The following NXPH1 variants were observed in gnomAD, a reference collection of about 807,000 sequenced individuals.
NXPH1 encodes the protein neurexophilin-1.
Under a neutral mutation model 23.7 loss-of-function variants are expected in NXPH1, and 5 were observed. The ratio of observed to expected loss-of-function variants is 0.21; its 90% CI spans 0.11 to 0.44. The LOEUF (loss-of-function observed/expected upper bound fraction) is 0.44, where lower values mean the gene tolerates loss of function less well. NXPH1 is among the 20% of genes least tolerant of loss of function. NXPH1 has a pLI of 0.99. For synonymous variants in NXPH1, 144 were observed against 122.2 expected, an observed-to-expected ratio of 1.18 and a Z score of -1.18; for missense variants, 324 against 321.6, an observed-to-expected ratio of 1.01 and a Z score of -0.06.
chr7:8,680,679 G>C (rs1281187015), intron 2 of NXPH1, among the ~76,000 whole-genome samples: 1 of 152,148 alleles, frequency 6.6e-6, no homozygotes, highest in Non-Finnish European at 1.5e-5. Context: ...GAAAATTGTA[G>C]AATTATTATG....
At chr7:8,559,618 C>G (rs1431027778) in intron 2 of NXPH1, among the ~76,000 whole-genome samples, 1 of 151,610 alleles carries the variant, frequency 6.6e-6, no homozygotes, top group Non-Finnish European at 1.5e-5. Flanking sequence ...AGCTTTTTTC[C>G]TCAGTTAGAT....
chr7:8,665,916 TTC>T (rs1562447978), intron 2 of NXPH1, among the ~76,000 whole-genome samples: 86 of 30,266 alleles, frequency 2.8e-3, no homozygotes, highest in African/African-American at 5.4e-3. Flanking sequence ...TTTTTTCTTT[TTC>T]TTTTTTTTTT....
chr7:8,571,892 A>C (rs922781057), intron 2 of NXPH1, among the ~76,000 whole-genome samples: 26 of 152,022 alleles, frequency 1.7e-4, no homozygotes, highest in African/African-American at 5.8e-4. Flanking sequence ...AAAAAAAAAA[A>C]AAAACACTTG....
chr7:8,631,523 A>G (rs1438912730), intron 2 of NXPH1, among the ~76,000 whole-genome samples: 1 of 151,840 alleles, frequency 6.6e-6, no homozygotes, highest in Non-Finnish European at 1.5e-5. Flanking sequence ...TAAACTATGC[A>G]TCCAACAAAG....
intron 2 of NXPH1, among the ~76,000 whole-genome samples, chr7:8,706,012 C>G (rs1779699006): frequency 6.6e-6 from 1 of 152,136 alleles, no homozygotes; most frequent in Non-Finnish European, 1.5e-5. Flanking sequence ...CTACATAGGC[C>G]TAGTGTCCCA....
chr7:8,692,745 C>A (rs1345405806), intron 2 of NXPH1, among the ~76,000 whole-genome samples: 2 of 152,110 alleles, frequency 1.3e-5, no homozygotes, highest in Non-Finnish European at 1.5e-5. Flanking sequence ...GTAATTCATA[C>A]ATTTTTGTGC....
Position 8,749,658 on chromosome 7 carries a change from G to C in NXPH1, c.55-1350G>C, listed in dbSNP as rs555727588. ...AAGCTGCTGAGTAGTAATCAGGCTG[G>C]TATCTGAGACAAGACTCAGAACTGG... On this transcript the variant is annotated intron_variant, in intron 2 of 2. Coordinates refer to ENST00000405863, the MANE Select transcript of NXPH1 (RefSeq NM_152745.3). Among the ~76,000 whole-genome samples, 10 of 152,262 alleles carry C rather than the reference G, an allele frequency of 6.6e-5. No individual in the cohort carries two copies. In the South Asian group the frequency reaches 1.7e-3, roughly 25 times the overall value.
intron 2 of NXPH1, among the ~76,000 whole-genome samples, chr7:8,534,429 C>T (rs1257547619): frequency 6.6e-6 from 1 of 152,096 alleles, no homozygotes; most frequent in East Asian, 1.9e-4. Flanking sequence ...TGTGTAAAAA[C>T]ATCTTCCACA....
At chr7:8,459,979 T>C (rs1394249534) in intron 2 of NXPH1, among the ~76,000 whole-genome samples, 1 of 152,204 alleles carries the variant, frequency 6.6e-6, no homozygotes, top group Admixed American at 6.5e-5. Flanking sequence ...TTTAATTGAA[T>C]AAGTGACTTT....
At chr7:8,696,625 G>C (rs960823017) in intron 2 of NXPH1, among the ~76,000 whole-genome samples, 14 of 152,108 alleles carry the variant, frequency 9.2e-5, no homozygotes, top group Non-Finnish European at 1.3e-4. Context: ...TTCCAGCATA[G>C]AGCAAAAGTC....
intron 2 of NXPH1, among the ~76,000 whole-genome samples, chr7:8,728,880 T>A (rs1780102121): frequency 6.6e-6 from 1 of 151,976 alleles, no homozygotes; most frequent in African/African-American, 2.4e-5. Context: ...GATTCCCTCT[T>A]TTTCTATTGA....
intron 2 of NXPH1, among the ~76,000 whole-genome samples, chr7:8,537,234 C>G (rs1283317429): frequency 1.3e-5 from 2 of 151,990 alleles, no homozygotes; most frequent in East Asian, 3.9e-4. Context: ...ATTTCCTCTC[C>G]CTCTCCCCCT....
intron 2 of NXPH1, among the ~76,000 whole-genome samples, chr7:8,622,571 A>G (rs1819898732): frequency 6.6e-6 from 1 of 152,212 alleles, no homozygotes; most frequent in South Asian, 2.1e-4. Flanking sequence ...AGCCTAAGTA[A>G]TTATCAAATA....
chr7:8,467,085 C>A (rs1040075054), intron 2 of NXPH1, among the ~76,000 whole-genome samples: 2 of 152,116 alleles, frequency 1.3e-5, no homozygotes, highest in Non-Finnish European at 2.9e-5. Context: ...ACTCAGTGTT[C>A]AGTGAATTTA....
At chr7:8,498,946 A>G (rs1817385486) in intron 2 of NXPH1, among the ~76,000 whole-genome samples, 1 of 152,090 alleles carries the variant, frequency 6.6e-6, no homozygotes, top group African/African-American at 2.4e-5. Context: ...TAAATGTCAT[A>G]TATTTTATGT....
intron 2 of NXPH1, among the ~76,000 whole-genome samples, chr7:8,455,217 G>A (rs1311482958): frequency 6.6e-6 from 1 of 152,128 alleles, no homozygotes; most frequent in Non-Finnish European, 1.5e-5. Flanking sequence ...AATAAAAGGA[G>A]ATTAAAGCTG....
At chr7:8,682,203 G>A (rs960657790) in intron 2 of NXPH1, among the ~76,000 whole-genome samples, 1 of 152,144 alleles carries the variant, frequency 6.6e-6, no homozygotes, top group African/African-American at 2.4e-5. Flanking sequence ...GCACAGGTGG[G>A]AAAATAATTC....
intron 2 of NXPH1, among the ~76,000 whole-genome samples, chr7:8,732,792 A>C (rs1261267531): frequency 2.6e-5 from 4 of 152,138 alleles, no homozygotes; most frequent in Non-Finnish European, 2.9e-5. Flanking sequence ...TGGTGAGGAA[A>C]TGTGAAGGCC....
chr7:8,476,666 C>G (rs10278761), intron 2 of NXPH1, among the ~76,000 whole-genome samples: 1 of 151,602 alleles, frequency 6.6e-6, no homozygotes, highest in African/African-American at 2.4e-5. Flanking sequence ...TCTACCTTAG[C>G]TATGAAGTAT....
Sources: allele counts gnomAD v4.1 joint callset (sites outside exome capture counted in the v4.1 genomes callset), GRCh38; gene constraint gnomAD v4.1.1; transcripts MANE v1.5; gene names NCBI Gene and HGNC (gene_info 2026-07-23, HGNC 2026-07-21).